ACOT11: variants seen among roughly 807,000 people sequenced by gnomAD.
ACOT11 encodes acyl-CoA thioesterase 11.
ACOT11 carries 69 observed loss-of-function variants against 77.5 expected under a neutral mutation model. That is an observed-to-expected ratio of 0.89 (90% CI 0.73 to 1.09). The LOEUF is 1.09. Ranked by LOEUF, ACOT11 falls within the 50% of genes least tolerant of loss-of-function variation. ACOT11 has a pLI of 0.00. For missense variants in ACOT11, 766 were observed against 813.7 expected, an observed-to-expected ratio of 0.94 and a Z score of 0.71; for synonymous variants, 279 against 313.0, an observed-to-expected ratio of 0.89 and a Z score of 1.15.
chr1:54,589,524 G>A (rs975282849), intron 3 of ACOT11, among the ~76,000 whole-genome samples: 1 of 152,102 alleles, frequency 6.6e-6, no homozygotes, highest in Non-Finnish European at 1.5e-5. Flanking sequence ...AGGCTGGGGT[G>A]CAGTGGCACC....
rs145674358 is a variant in ACOT11, at chr1:54,584,268, C to A, written c.34-387C>A. ...CCCTGGGCTTGACTGCTATGGAGCT[C>A]TCTAGGCCTCCCTGCATAGAGAGGC... On this transcript the variant is annotated intron_variant, in intron 1 of 15. Coordinates refer to ENST00000343744, the MANE Select transcript of ACOT11 (RefSeq NM_147161.4). The surrounding 1 kb of genome is among the most constrained non-coding windows in gnomAD (Gnocchi z 6.3). 2.3e-4 allele frequency among the ~76,000 whole-genome samples: 32 copies of A among 141,050 alleles called. No homozygotes were observed. Among genetic ancestry groups the A allele is most frequent in the African/African-American group, 7.4e-4 (30 of 40,394 alleles). The allele number at this position is 141,050 out of a possible 152,430, so 92.5% of individuals were successfully genotyped here.
In ACOT11 at chr1:54,595,699, A is replaced by G. The variant is rs149881682; in HGVS notation, c.607+1008A>G. On this transcript the variant is annotated intron_variant, in intron 6 of 15. Transcript: ENST00000343744. ...GGGGTTGTTCTATACCAGTACAGAA[A>G]GATCTACTTTGGACTGGGTGGGATT... Among the ~76,000 whole-genome samples the G allele has an allele frequency of 2.1e-3, 324 of 152,310 alleles. 1 individual carries two copies. Among genetic ancestry groups the G allele is most frequent in the South Asian group, 8.1e-3 (39 of 4,822 alleles).
At chr1:54,610,608 T>C (rs1184329922), downstream of ACOT11, 4 of 1,584,432 alleles carry the variant, frequency 2.5e-6, no homozygotes, top group African/African-American at 5.4e-5. Context: ...CAGAACACCT[T>C]ACCTGGTTGC....
intron 9 of ACOT11, 24 bp downstream of exon 9, chr1:54,601,437 C>T: frequency 6.2e-7 from 1 of 1,604,208 alleles, no homozygotes; most frequent in Non-Finnish European, 8.5e-7. Context: ...GCGCCCTGCC[C>T]CACCAGCAGC....
chr1:54,623,482 A>C, intron 15 of ACOT11: 1 of 919,958 alleles, frequency 1.1e-6, no homozygotes, highest in East Asian at 2.4e-5. Flanking sequence ...GGGAGGCAGG[A>C]GCTCCCAGCA....
intron 1 of ACOT11, among the ~76,000 whole-genome samples, chr1:54,582,222 G>A (rs1654335840): frequency 6.6e-6 from 1 of 152,144 alleles, no homozygotes; most frequent in South Asian, 2.1e-4. Flanking sequence ...GGTACTTTAG[G>A]GACTGGCAAT....
rs761980187 is a variant in ACOT11 at position 54,607,112 on chromosome 1, T to A, written c.1371-22T>A. The A allele has an allele frequency of 1.2e-6, 2 of 1,613,370 alleles. No homozygotes were observed. Among genetic ancestry groups the A allele is most frequent in the Non-Finnish European group, 1.7e-6 (2 of 1,179,554 alleles). ...GGGAGCTGGAAGCTTCCTGGGGCAC[T>A]GAGATCCCGGCCTCCCCACAGGAGC... On this transcript the variant is annotated intron_variant, in intron 13 of 15. Coordinates refer to ENST00000343744, the MANE Select transcript of ACOT11 (RefSeq NM_147161.4). This position sits in a 1 kb window ranked among gnomAD's most constrained non-coding sequence, Gnocchi z 4.5.
chr1:54,631,675 G>T (rs12131755), intron 16 of ACOT11, among the ~76,000 whole-genome samples: 43,044 of 152,056 alleles, frequency 0.28, 6,745 homozygotes, highest in Middle Eastern at 0.4. Context: ...GTGCATTAGA[G>T]CTTGGGAAAA....
chr1:54,607,807 G>C lies in ACOT11; in HGVS notation c.1503-135G>C. 3 of 1,231,766 alleles carry C rather than the reference G, an allele frequency of 2.4e-6. No individual in the cohort carries two copies. The Middle Eastern group carries it at 7.5e-4, about 307-fold the overall frequency. The allele number at this position is 1,231,766 out of a possible 1,614,324, so 76.3% of individuals were successfully genotyped here. The stretch of plus-strand genomic sequence containing the variant: ...TGAGCCCCGCATTGGGGCTTTAAGA[G>C]TCGATGTGCCTTGCATCCCCCTGGT... On this transcript the variant is annotated intron_variant, in intron 14 of 15. Transcript: ENST00000343744. This position sits in a 1 kb window ranked among gnomAD's most constrained non-coding sequence, Gnocchi z 4.5.
chr1:54,567,797 T>C (rs1306588485), intron 1 of ACOT11, among the ~76,000 whole-genome samples: 1 of 152,112 alleles, frequency 6.6e-6, no homozygotes, highest in East Asian at 1.9e-4. Flanking sequence ...TGGCTCCACC[T>C]CTCTGCCCAG....
rs17110739 is a variant in ACOT11 at position 54,581,253 on chromosome 1, C to G, written c.34-3402C>G. On this transcript the variant is annotated intron_variant, in intron 1 of 15. Coordinates refer to ENST00000343744, the MANE Select transcript of ACOT11 (RefSeq NM_147161.4). ...GTTAGATCAGAGGCCTGTTTAAGGTCGGATCATTGGGACTTGGATACTGGG... is the reference window on the plus strand; with the variant it reads ...GTTAGATCAGAGGCCTGTTTAAGGTGGGATCATTGGGACTTGGATACTGGG... 9.0e-3 allele frequency among the ~76,000 whole-genome samples: 1,374 copies of G among 152,226 alleles called. 19 individuals carry two copies. The highest frequency in any genetic ancestry group is 0.031 in the African/African-American group (1,304 of 41,528).
At chr1:54,601,606 C>G (rs1372222929) in intron 9 of ACOT11, among the ~76,000 whole-genome samples, 193 bp downstream of exon 9, 1 of 152,204 alleles carries the variant, frequency 6.6e-6, no homozygotes, top group African/African-American at 2.4e-5. Flanking sequence ...CGGGCTTGTT[C>G]TGCCTGACAG....
chr1:54,577,367 A>C (rs988274265), intron 1 of ACOT11, among the ~76,000 whole-genome samples: 1 of 152,220 alleles, frequency 6.6e-6, no homozygotes, highest in Non-Finnish European at 1.5e-5. Flanking sequence ...TTTATCCGCT[A>C]ATATGGATAC....
At chr1:54,587,986 G>T (rs1654567040) in intron 3 of ACOT11, among the ~76,000 whole-genome samples, 1 of 152,120 alleles carries the variant, frequency 6.6e-6, no homozygotes, top group Non-Finnish European at 1.5e-5. Context: ...GCCAAGGCAG[G>T]CAGATTACTT....
chr1:54,590,830 C>T lies in ACOT11; in HGVS notation c.312-1716C>T, dbSNP rs60924747. Among the ~76,000 whole-genome samples, 852 of 152,326 alleles carry T rather than the reference C, an allele frequency of 5.6e-3. 15 individuals carry two copies. In the East Asian group the frequency reaches 0.059, roughly 11 times the overall value. ...GATGCAGTGGTGCGATCTTGGCTCACGGCAACCTCCGCCTCCTGGGTTCAA... is the reference window on the plus strand; with the variant it reads ...GATGCAGTGGTGCGATCTTGGCTCATGGCAACCTCCGCCTCCTGGGTTCAA... On this transcript the variant is annotated intron_variant, in intron 3 of 15. Transcript: ENST00000343744.
In ACOT11 at chr1:54,609,578, T is replaced by C. The variant is rs370276349; in HGVS notation, c.*466T>C. ...TTCCCTGTAGCCACTGCCCAGCACC[T>C]CCTCAGGCCAGCCTGGTGCCACAGT... On this transcript the variant is annotated 3_prime_UTR_variant, in exon 16 of 16. Coordinates refer to ENST00000343744, the MANE Select transcript of ACOT11 (RefSeq NM_147161.4). 7.3e-5 allele frequency: 117 copies of C among 1,612,924 alleles called. No homozygotes were observed. The highest frequency in any genetic ancestry group is 9.6e-5 in the Non-Finnish European group (113 of 1,180,024).
At chr1:54,628,605 C>A (rs560590286) in intron 15 of ACOT11, among the ~76,000 whole-genome samples, 3,958 of 112,488 alleles carry the variant, frequency 0.035, 621 homozygotes, top group African/African-American at 0.055. Flanking sequence ...CCCCCCCCCC[C>A]AAAAAAGGAA....
rs1016084923 is a variant in ACOT11 at position 54,570,546 on chromosome 1, G to A, written c.34-14109G>A. On this transcript the variant is annotated intron_variant, in intron 1 of 15. Transcript: ENST00000343744. ...TTTTTATTTTTTGAGACAGAGTCTC[G>A]CTGTCACCCAGGCTGGACTACAGTG... Among the ~76,000 whole-genome samples the A allele has an allele frequency of 2.3e-4, 35 of 152,162 alleles. No individual in the cohort carries two copies. The East Asian group carries it at 4.2e-3, about 18-fold the overall frequency.
intron 11 of ACOT11, 53 bp downstream of exon 11, chr1:54,603,990 C>G: frequency 6.5e-7 from 1 of 1,541,886 alleles, no homozygotes; most frequent in East Asian, 2.3e-5. Flanking sequence ...GGCCCCCACC[C>G]TTCCCTGCTT....
Sources: gnomAD v4.1 joint callset for allele counts (sites outside exome capture counted in the v4.1 genomes callset) on GRCh38, gnomAD v4.1.1 for gene constraint, Gnocchi (gnomAD v3.1) non-coding constraint, MANE v1.5 for transcripts, NCBI Gene and HGNC (gene_info 2026-07-23, HGNC 2026-07-21) for gene names.